Variants in MARCHF1 observed in about 807,000 individuals in gnomAD.
The protein encoded by MARCHF1 is membrane associated ring-CH-type finger 1.
MARCHF1 carries 40 observed loss-of-function variants against 54.2 expected under a neutral mutation model. The ratio of observed to expected loss-of-function variants is 0.74; its 90% confidence interval spans 0.57 to 0.96. MARCHF1 has a LOEUF of 0.96. MARCHF1 is among the 40% of genes least tolerant of loss of function. The probability of loss-of-function intolerance (pLI) is 0.00; values close to 1 mark genes in which losing one functional copy is unlikely to be tolerated. For missense variants in MARCHF1, 586 were observed against 656.5 expected (o/e 0.89, Z 1.17); for synonymous variants, 236 against 236.3 (o/e 1.00, Z 0.01).
chr4:163,940,704 A>G (rs1317087785), intron 3 of MARCHF1, among the ~76,000 whole-genome samples: 1 of 152,182 alleles, frequency 6.6e-6, no homozygotes, highest in Non-Finnish European at 1.5e-5. Flanking sequence ...TTATAAACTA[A>G]ATATGGAACT....
At chr4:163,691,007 C>T (rs1744429815) in intron 5 of MARCHF1, among the ~76,000 whole-genome samples, 1 of 152,090 alleles carries the variant, frequency 6.6e-6, no homozygotes, top group African/African-American at 2.4e-5. Context: ...GTCACTTGCA[C>T]CTGTTAGTTC....
chr4:163,969,275 C>A (rs182043249), intron 3 of MARCHF1, among the ~76,000 whole-genome samples: 29 of 152,260 alleles, frequency 1.9e-4, no homozygotes, highest in African/African-American at 5.3e-4. Flanking sequence ...AGTACCATTT[C>A]AAGTAAGAAA....
chr4:164,298,926 T>C (rs1248286252), intron 1 of MARCHF1, among the ~76,000 whole-genome samples: 1 of 152,112 alleles, frequency 6.6e-6, no homozygotes, highest in Admixed American at 6.6e-5. Context: ...GGTAGTATGA[T>C]TAATTATTTT....
At chr4:164,308,416 T>C (rs1475901836) in intron 1 of MARCHF1, among the ~76,000 whole-genome samples, 1 of 152,222 alleles carries the variant, frequency 6.6e-6, no homozygotes, top group Non-Finnish European at 1.5e-5. Context: ...TTGGGATCTA[T>C]TGATTTTAAA....
chr4:163,722,144 C>T (rs1036819953), intron 4 of MARCHF1, among the ~76,000 whole-genome samples: 1 of 152,042 alleles, frequency 6.6e-6, no homozygotes, highest in African/African-American at 2.4e-5. Context: ...TTAGATCTTT[C>T]CTGCTTTCTC....
At chr4:163,545,947 A>ATGTGTGTGTGTGTG (rs70948653) in intron 8 of MARCHF1, among the ~76,000 whole-genome samples, 1 of 148,934 alleles carries the variant, frequency 6.7e-6, no homozygotes, top group African/African-American at 2.5e-5. Flanking sequence ...TTAAATACAT[A>ATGTGTGTGTGTGTG]TGTGTGTGTG....
intron 5 of MARCHF1, among the ~76,000 whole-genome samples, chr4:163,639,503 G>A (rs1294005943): frequency 6.6e-6 from 1 of 152,074 alleles, no homozygotes; most frequent in Non-Finnish European, 1.5e-5. Context: ...TATTTTGATG[G>A]CATAATGCCA....
At chr4:164,043,140 T>C (rs953497315) in intron 2 of MARCHF1, among the ~76,000 whole-genome samples, 1 of 152,162 alleles carries the variant, frequency 6.6e-6, no homozygotes, top group Non-Finnish European at 1.5e-5. Context: ...GATGGCCCTC[T>C]TCTCAAACCT....
intron 2 of MARCHF1, among the ~76,000 whole-genome samples, chr4:164,018,972 G>A (rs181543643): frequency 1.5e-4 from 23 of 152,300 alleles, no homozygotes; most frequent in Admixed American, 7.2e-4. Context: ...AATTGCCTGT[G>A]ATTTTGTGAA....
chr4:163,612,515 T>C lies in MARCHF1; in HGVS notation c.766A>G (p.Arg256Gly). ...CTCTTCTCATGATTCCTTGAGGATC[T>C]CTTAATTTCAGAGGACCCTTGAGTC... The part of the protein sequence containing the change: ...SLTQGSSEIK[R>G]SSRNHEKSKG... Residue 256 changes from arginine to glycine, a missense_variant, in exon 7 of 10, where the codon AGA becomes GGA. Arg to Gly is a moderately radical substitution (Grantham distance 125, BLOSUM62 -2). Coordinates refer to ENST00000514618, the MANE Select transcript of MARCHF1 (RefSeq NM_001394959.1). The C allele has an allele frequency of 6.5e-7, 1 of 1,535,310 alleles. No individual in the cohort carries two copies. Among genetic ancestry groups the C allele is most frequent in the South Asian group, 1.2e-5 (1 of 83,992 alleles).
intron 1 of MARCHF1, among the ~76,000 whole-genome samples, chr4:164,135,737 T>A (rs1321456285): frequency 6.6e-6 from 1 of 152,198 alleles, no homozygotes; most frequent in Non-Finnish European, 1.5e-5. Context: ...ATAAGTTACT[T>A]AATGCATAAC....
chr4:163,938,742 C>T (rs1751851669), intron 3 of MARCHF1, among the ~76,000 whole-genome samples: 1 of 152,134 alleles, frequency 6.6e-6, no homozygotes, highest in Non-Finnish European at 1.5e-5. Flanking sequence ...AGGAAACTTA[C>T]AATCATGGTG....
intron 3 of MARCHF1, among the ~76,000 whole-genome samples, chr4:163,891,979 T>A (rs1004627698): frequency 1.3e-5 from 2 of 152,118 alleles, no homozygotes; most frequent in African/African-American, 4.8e-5. Context: ...AATGAGGCAC[T>A]AAAAAGTCTC....
intron 3 of MARCHF1, among the ~76,000 whole-genome samples, chr4:163,861,806 A>G (rs1749942033): frequency 6.6e-6 from 1 of 152,112 alleles, no homozygotes; most frequent in African/African-American, 2.4e-5. Context: ...GAGAACTCAC[A>G]CTACCCAGTT....
At chr4:163,606,640 A>C (rs1246626508) in intron 7 of MARCHF1, among the ~76,000 whole-genome samples, 2 of 152,002 alleles carry the variant, frequency 1.3e-5, no homozygotes, top group African/African-American at 4.8e-5. Flanking sequence ...GAGGGGAAGA[A>C]CTACATTTGG....
chr4:164,347,720 T>A lies in MARCHF1; in HGVS notation c.-323+36150A>T, dbSNP rs936073851. Among the ~76,000 whole-genome samples the A allele has an allele frequency of 5.9e-5, 9 of 152,166 alleles. 1 individual carries two copies. Among genetic ancestry groups the A allele is most frequent in the Admixed American group, 5.9e-4 (9 of 15,258 alleles). ...GAACAGTACTGAGGAAAAATTGTTA[T>A]TTGTGAGTTCTGCAGTTACTAGAAG... On this transcript the variant is annotated intron_variant, in intron 1 of 9. Coordinates refer to ENST00000514618, the MANE Select transcript of MARCHF1 (RefSeq NM_001394959.1).
intron 1 of MARCHF1, among the ~76,000 whole-genome samples, chr4:164,122,784 C>A (rs1375481407): frequency 6.6e-6 from 1 of 151,986 alleles, no homozygotes; most frequent in Non-Finnish European, 1.5e-5. Flanking sequence ...GCCATATACC[C>A]CAGACAACAT....
At chr4:163,678,760 T>G (rs1733551010) in intron 5 of MARCHF1, among the ~76,000 whole-genome samples, 1 of 152,218 alleles carries the variant, frequency 6.6e-6, no homozygotes, top group African/African-American at 2.4e-5. Context: ...CAGTATTGGA[T>G]TCTTGGAATT....
chr4:163,773,763 G>T (rs1747225045), intron 4 of MARCHF1, among the ~76,000 whole-genome samples: 1 of 152,112 alleles, frequency 6.6e-6, no homozygotes, highest in African/African-American at 2.4e-5. Flanking sequence ...GTGGTTTTAA[G>T]AAATTTCACA....
Sources: allele counts gnomAD v4.1 joint callset (sites outside exome capture counted in the v4.1 genomes callset), GRCh38; gene constraint gnomAD v4.1.1; transcripts MANE v1.5; gene names NCBI Gene and HGNC (gene_info 2026-07-23, HGNC 2026-07-21).